The following RBFOX1 variants were observed in gnomAD, a reference collection of about 807,000 sequenced individuals.
RBFOX1 encodes the protein RNA binding fox-1 homolog 1.
In RBFOX1, 8 loss-of-function variants were observed where a neutral mutation model predicts 57.7. The observed-to-expected ratio is 0.14, with a 90% confidence interval of 0.08 to 0.25. RBFOX1 has a LOEUF of 0.25. Ranked by LOEUF, RBFOX1 falls within the 10% of genes least tolerant of loss-of-function variation. The pLI is 1.00. For synonymous variants in RBFOX1, 326 were observed against 222.4 expected (o/e 1.47, Z -4.15); for missense variants, 611 against 548.5 (o/e 1.11, Z -1.14).
chr16:6,739,075 C>T (rs1229657518), intron 3 of RBFOX1, among the ~76,000 whole-genome samples: 2 of 151,370 alleles, frequency 1.3e-5, no homozygotes, highest in Non-Finnish European at 2.9e-5. Flanking sequence ...CTACTTCAGA[C>T]AAAAATAGGG....
At chr16:5,317,213 C>G (rs1260881630) in intron 1 of RBFOX1, among the ~76,000 whole-genome samples, 1 of 152,184 alleles carries the variant, frequency 6.6e-6, no homozygotes, top group African/African-American at 2.4e-5. Flanking sequence ...CTCTCTCTCT[C>G]AATCTCTCGA....
chr16:5,720,244 A>C (rs1300729589), intron 3 of RBFOX1, among the ~76,000 whole-genome samples: 1 of 152,126 alleles, frequency 6.6e-6, no homozygotes, highest in Non-Finnish European at 1.5e-5. Flanking sequence ...GCCTGTTCAG[A>C]TTCTTGGTCC....
At chr16:7,597,226 G>A in intron 8 of RBFOX1, 145 bp from the exon 9 acceptor site, 1 of 535,622 alleles carries the variant, frequency 1.9e-6, no homozygotes, top group Non-Finnish European at 3.3e-6. Context: ...ATTTTGTTAT[G>A]CACCTACTGC....
At chr16:7,651,544 T>G (rs1465476695) in intron 11 of RBFOX1, among the ~76,000 whole-genome samples, 1 of 152,200 alleles carries the variant, frequency 6.6e-6, no homozygotes, top group Non-Finnish European at 1.5e-5. Context: ...GGTCCATGCA[T>G]CAGTGTATGT....
chr16:7,630,645 T>C lies in RBFOX1; in HGVS notation c.719T>C (p.Met240Thr). The C allele has an allele frequency of 6.2e-7, 1 of 1,614,208 alleles. No individual in the cohort carries two copies. Among genetic ancestry groups the C allele is most frequent in the Non-Finnish European group, 8.5e-7 (1 of 1,180,036 alleles). ...CAGGCCAACCAGGAGGGATCTTCCA[T>C]GTACAGTGCCCCCAGTTCACTTGTA... ...LCQANQEGSSMYSAPSSLVYT... is the reference protein window; with the variant it reads ...LCQANQEGSSTYSAPSSLVYT... The change falls in exon 11 of 16, where the codon ATG becomes ACG. Residue 240 changes from methionine (M) to threonine (T), a missense_variant. Transcript: ENST00000550418.
At chr16:5,765,819 C>G (rs528282448) in intron 3 of RBFOX1, among the ~76,000 whole-genome samples, 18 of 152,290 alleles carry the variant, frequency 1.2e-4, no homozygotes, top group African/African-American at 4.1e-4. Flanking sequence ...CCCTAGAGTT[C>G]CAGACACTAA....
intron 4 of RBFOX1, among the ~76,000 whole-genome samples, chr16:7,411,711 C>T (rs2098426931): frequency 6.6e-6 from 1 of 152,052 alleles, no homozygotes; most frequent in Non-Finnish European, 1.5e-5. Flanking sequence ...TGAGACCAGC[C>T]TGACCAACAT....
In RBFOX1 at chr16:6,635,327, C is replaced by T. The variant is rs186674307; in HGVS notation, c.-63-19276C>T. 1.4e-3 allele frequency among the ~76,000 whole-genome samples: 211 copies of T among 152,018 alleles called. 1 individual carries two copies. Among genetic ancestry groups the T allele is most frequent in the African/African-American group, 4.7e-3 (194 of 41,480 alleles). On this transcript the variant is annotated intron_variant, in intron 2 of 15. Transcript: ENST00000550418. ...GTAGCTGATAACTTCATGAAAAAGT[C>T]AGATATTGTATAAAATGCCCTGTAA...
chr16:7,530,816 C>G (rs2079874434), intron 5 of RBFOX1, among the ~76,000 whole-genome samples: 1 of 152,198 alleles, frequency 6.6e-6, no homozygotes, highest in Admixed American at 6.5e-5. Flanking sequence ...TCTCAAGAGA[C>G]AGTAAGCCAG....
At chr16:5,836,200 G>T (rs888706464) in intron 3 of RBFOX1, among the ~76,000 whole-genome samples, 2 of 152,158 alleles carry the variant, frequency 1.3e-5, no homozygotes, top group East Asian at 1.9e-4. Flanking sequence ...CTGCAGCTGG[G>T]GGGTGAGGCT....
chr16:7,006,495 G>C lies in RBFOX1; in HGVS notation c.-15-45562G>C, dbSNP rs186281562. Among the ~76,000 whole-genome samples, 247 of 152,118 alleles carry C rather than the reference G, an allele frequency of 1.6e-3. 1 individual carries two copies. The highest frequency in any genetic ancestry group is 5.5e-3 in the African/African-American group (230 of 41,530). ...TAGAGACAGGGTGTCTATTGGTCAG[G>C]CTGGAATGGAGTGATATGATCACAG... On this transcript the variant is annotated intron_variant, in intron 3 of 15. Coordinates refer to ENST00000550418, the MANE Select transcript of RBFOX1 (RefSeq NM_018723.4).
chr16:7,351,988 G>T (rs1223049401), intron 4 of RBFOX1, among the ~76,000 whole-genome samples: 1 of 152,160 alleles, frequency 6.6e-6, no homozygotes, highest in Non-Finnish European at 1.5e-5. Context: ...GGAAGGAGGG[G>T]CTCCTGCAGA....
At chr16:5,325,804 C>A (rs1172880777) in intron 1 of RBFOX1, among the ~76,000 whole-genome samples, 2 of 152,146 alleles carry the variant, frequency 1.3e-5, no homozygotes, top group African/African-American at 4.8e-5. Context: ...GGATATACTG[C>A]AGTTTGTTTA....
chr16:7,158,165 G>A (rs995401553), intron 4 of RBFOX1, among the ~76,000 whole-genome samples: 1 of 152,012 alleles, frequency 6.6e-6, no homozygotes, highest in Non-Finnish European at 1.5e-5. Context: ...TGGCCAACAT[G>A]GTGAAACCCT....
chr16:6,345,450 C>T (rs940020089), intron 2 of RBFOX1, among the ~76,000 whole-genome samples: 6 of 152,088 alleles, frequency 3.9e-5, no homozygotes, highest in Non-Finnish European at 2.9e-5. Context: ...AGTGGTAAAC[C>T]GACATGGCAG....
chr16:5,976,842 C>T (rs2060073278), intron 4 of RBFOX1, among the ~76,000 whole-genome samples: 1 of 152,162 alleles, frequency 6.6e-6, no homozygotes, highest in Non-Finnish European at 1.5e-5. Flanking sequence ...GCACTTCAGC[C>T]TGGGCAGCAG....
chr16:7,213,261 C>G (rs1169673143), intron 4 of RBFOX1, among the ~76,000 whole-genome samples: 2 of 152,122 alleles, frequency 1.3e-5, no homozygotes, highest in Non-Finnish European at 2.9e-5. Context: ...ATCAGTGGTT[C>G]CCCATTCTGG....
intron 3 of RBFOX1, among the ~76,000 whole-genome samples, chr16:7,012,493 T>A (rs1568365546): frequency 6.6e-6 from 1 of 152,192 alleles, no homozygotes; most frequent in Non-Finnish European, 1.5e-5. Context: ...CAAGCCATGT[T>A]AATAACTGCC....
chr16:5,735,931 C>A (rs751497204), intron 3 of RBFOX1, among the ~76,000 whole-genome samples: 9 of 152,114 alleles, frequency 5.9e-5, no homozygotes, highest in Non-Finnish European at 1.2e-4. Context: ...GTTCATTTGA[C>A]ACATGTTCCC....
Sources: gnomAD v4.1 joint callset for allele counts (sites outside exome capture counted in the v4.1 genomes callset) on GRCh38, gnomAD v4.1.1 for gene constraint, MANE v1.5 for transcripts, NCBI Gene and HGNC (gene_info 2026-07-23, HGNC 2026-07-21) for gene names.